MS4A7: variants seen among roughly 807,000 people sequenced by gnomAD.
MS4A7 encodes membrane-spanning 4-domains subfamily A member 7.
MS4A7 carries 21 observed loss-of-function variants against 23.5 expected under a neutral mutation model. The ratio of observed to expected loss-of-function variants is 0.89; its 90% CI spans 0.63 to 1.29. The LOEUF (loss-of-function observed/expected upper bound fraction) is 1.29, where lower values mean the gene tolerates loss of function less well. MS4A7 is among the 50% of genes most tolerant of loss of function. MS4A7 has a pLI of 0.00. For synonymous variants in MS4A7, 111 were observed against 107.4 expected (o/e 1.03, Z -0.21); for missense variants, 263 against 274.2 (o/e 0.96, Z 0.29).
chr11:60,389,879 T>C, intron 5 of MS4A7: 1 of 396,614 alleles, frequency 2.5e-6, no homozygotes, highest in Admixed American at 3.9e-5. Flanking sequence ...GGTTTAACTC[T>C]TAAAGTACAA....
rs2085605392 is a variant in MS4A7, at chr11:60,395,417, C to T, written c.*1556C>T. Reference sequence around the variant, plus strand: ...TCAGTGCTCATTTTGAGATACCCTGCTATCGATGGTCGCTACAAACCAGGA... The same window carrying T: ...TCAGTGCTCATTTTGAGATACCCTGTTATCGATGGTCGCTACAAACCAGGA... On this transcript the variant is annotated 3_prime_UTR_variant, in exon 7 of 7. Transcript: ENST00000300184. The T allele has an allele frequency of 6.6e-6, 1 of 152,550 alleles. No homozygotes were observed. The highest frequency in any genetic ancestry group is 6.5e-5 in the Admixed American group (1 of 15,284). 9.4% of individuals were successfully genotyped at this position (152,550 alleles called of 1,614,324 possible). A position where few individuals can be genotyped will look rare whatever the true frequency, so the allele number is the denominator to read the frequency against.
Position 60,393,847 on chromosome 11 carries a change from C to A in MS4A7, c.709C>A (p.Arg237=). 6.2e-7 allele frequency: 1 copy of A among 1,609,732 alleles called. No individual in the cohort carries two copies. The highest frequency in any genetic ancestry group is 2.2e-5 in the East Asian group (1 of 44,488). The change falls in exon 7 of 7, where the codon CGG becomes AGG. Residue 237 remains arginine, a synonymous_variant. Transcript: ENST00000300184. ...CCAACAGGTCAAAAAGAGTTCTTCACGGTCTTGGATATAAGTAACTCTTGG... is the reference window on the plus strand; with the variant it reads ...CCAACAGGTCAAAAAGAGTTCTTCAAGGTCTTGGATATAAGTAACTCTTGG... ...HIQQVKKSSS[R]SWI is the part of the protein sequence containing the mutation.
At chr11:60,383,021 G>A in intron 1 of MS4A7, 108 bp from the exon 2 acceptor site, 1 of 1,234,508 alleles carries the variant, frequency 8.1e-7, no homozygotes, top group Non-Finnish European at 1.1e-6. Context: ...AACCAGCCTT[G>A]GAATAATGGC....
chr11:60,391,221 G>A (rs1417380501), intron 5 of MS4A7, among the ~76,000 whole-genome samples: 21 of 152,152 alleles, frequency 1.4e-4, no homozygotes, highest in Non-Finnish European at 2.5e-4. Flanking sequence ...AAAACCTTCC[G>A]TCAGCTCACT....
intron 1 of MS4A7, among the ~76,000 whole-genome samples, chr11:60,382,895 C>T (rs115385883): frequency 6.6e-6 from 1 of 152,158 alleles, no homozygotes; most frequent in African/African-American, 2.4e-5. Flanking sequence ...TGGGACCCCT[C>T]AAAATGTGTA....
rs2085600782 is a variant in MS4A7 at position 60,395,124 on chromosome 11, C to G, written c.*1263C>G. 2.0e-5 allele frequency: 8 copies of G among 397,258 alleles called. No individual in the cohort carries two copies. Among genetic ancestry groups the G allele is most frequent in the Non-Finnish European group, 3.6e-5 (8 of 223,916 alleles). The allele number at this position is 397,258 out of a possible 1,614,324, so 24.6% of individuals were successfully genotyped here. On this transcript the variant is annotated 3_prime_UTR_variant, in exon 7 of 7. Coordinates refer to ENST00000300184, the MANE Select transcript of MS4A7 (RefSeq NM_021201.5). The stretch of plus-strand genomic sequence containing the variant: ...AGCACAGTTTTGTAATTCAGATCAT[C>G]ACCCCTGCACTTTGTACCACATGGG...
At chr11:60,387,940 A>G (rs2135102195) in intron 4 of MS4A7, among the ~76,000 whole-genome samples, 1 of 152,358 alleles carries the variant, frequency 6.6e-6, no homozygotes, top group African/African-American at 2.4e-5. Flanking sequence ...CCATAGCATG[A>G]CGATTCACTA....
At position 60,394,779 on chromosome 11, in the gene MS4A7, C is replaced by T. The variant is rs916900154; in HGVS notation, c.*918C>T. Reference sequence around the variant, plus strand: ...ACTGCACCACTGCATTCCAGCCCGGCCTACAAGAACAAAACTCCATCTCAA... The same window carrying T: ...ACTGCACCACTGCATTCCAGCCCGGTCTACAAGAACAAAACTCCATCTCAA... On this transcript the variant is annotated 3_prime_UTR_variant, in exon 7 of 7. Coordinates refer to ENST00000300184, the MANE Select transcript of MS4A7 (RefSeq NM_021201.5). 2 of 289,136 alleles carry T rather than the reference C, an allele frequency of 6.9e-6. No homozygotes were observed. The highest frequency in any genetic ancestry group is 1.2e-5 in the Non-Finnish European group (2 of 161,856). 17.9% of individuals were successfully genotyped at this position (289,136 alleles called of 1,614,324 possible).
intron 1 of MS4A7, among the ~76,000 whole-genome samples, chr11:60,380,961 A>T (rs986029192): frequency 2.5e-4 from 38 of 152,334 alleles, no homozygotes; most frequent in African/African-American, 8.7e-4. Flanking sequence ...TACCTGCTAG[A>T]TAAGCAATCT....
intron 3 of MS4A7, among the ~76,000 whole-genome samples, chr11:60,385,916 C>G (rs2135099088): frequency 6.6e-6 from 1 of 152,340 alleles, no homozygotes; most frequent in African/African-American, 2.4e-5. Flanking sequence ...TAAGGTACCA[C>G]TTCTGTGTGG....
At chr11:60,388,623 G>A (rs945715763) in intron 4 of MS4A7, among the ~76,000 whole-genome samples, 1 of 152,178 alleles carries the variant, frequency 6.6e-6, no homozygotes, top group African/African-American at 2.4e-5. Context: ...ATGGGTGTGT[G>A]GCAGGGAAGA....
In MS4A7 at chr11:60,395,032, A is replaced by G. The variant is rs2085599717; in HGVS notation, c.*1171A>G. On this transcript the variant is annotated 3_prime_UTR_variant, in exon 7 of 7. Transcript: ENST00000300184. ...TTTTCTGCTTCTAGCTTGGAGCTAA[A>G]TGCTGCTCATGCTGAAAAGAATAAT... 3.4e-6 allele frequency: 2 copies of G among 594,630 alleles called. No homozygotes were observed. Among genetic ancestry groups the G allele is most frequent in the South Asian group, 4.2e-5 (2 of 47,312 alleles). 36.8% of individuals were successfully genotyped at this position (594,630 alleles called of 1,614,324 possible). A position where few individuals can be genotyped will look rare whatever the true frequency, so the allele number is the denominator to read the frequency against.
intron 2 of MS4A7, 82 bp downstream of exon 2, chr11:60,383,370 G>A: frequency 6.6e-7 from 1 of 1,508,670 alleles, no homozygotes; most frequent in Non-Finnish European, 9.0e-7. Flanking sequence ...GTGGGTCTGG[G>A]AAACTCTTTC....
At chr11:60,380,001 C>T (rs891595484) in intron 1 of MS4A7, among the ~76,000 whole-genome samples, 1 of 152,230 alleles carries the variant, frequency 6.6e-6, no homozygotes, top group Middle Eastern at 3.2e-3. Context: ...CTGGCAACCA[C>T]CATTCTACTT....
chr11:60,395,014 C>A lies in MS4A7; in HGVS notation c.*1153C>A. The A allele has an allele frequency of 1.6e-6, 1 of 618,290 alleles. No homozygotes were observed. Among genetic ancestry groups the A allele is most frequent in the Non-Finnish European group, 2.9e-6 (1 of 341,156 alleles). 38.3% of individuals were successfully genotyped at this position (618,290 alleles called of 1,614,324 possible). A position where few individuals can be genotyped will look rare whatever the true frequency, so the allele number is the denominator to read the frequency against. On this transcript the variant is annotated 3_prime_UTR_variant, in exon 7 of 7. Transcript: ENST00000300184. ...TAATCTCTGACTGGCATGTTTTCTG[C>A]TTCTAGCTTGGAGCTAAATGCTGCT...
intron 6 of MS4A7, 55 bp downstream of exon 6, chr11:60,392,841 A>G (rs2085568820): frequency 7.8e-7 from 1 of 1,282,718 alleles, no homozygotes; most frequent in East Asian, 2.3e-5. Context: ...CCAGGCTACA[A>G]TAATCCAACC....
intron 1 of MS4A7, among the ~76,000 whole-genome samples, chr11:60,379,166 C>A (rs956878651): frequency 6.6e-6 from 1 of 152,214 alleles, no homozygotes; most frequent in Non-Finnish European, 1.5e-5. Context: ...GAGATGATAG[C>A]ATCAGTCTGG....
intron 5 of MS4A7, 199 bp downstream of exon 5, chr11:60,389,795 G>A: frequency 1.7e-6 from 1 of 574,514 alleles, no homozygotes; most frequent in South Asian, 2.0e-5. Context: ...AGTCAAAAGA[G>A]GAAATCATGA....
Position 60,383,083 on chromosome 11 carries a change from G to C in MS4A7, c.-13-46G>C, listed in dbSNP as rs2085447183. On this transcript the variant is annotated intron_variant, in intron 1 of 6. Transcript: ENST00000300184. Reference sequence around the variant, plus strand: ...TATGGTCCCTGGGAAGTTTATGTCTGTAAGTCAAACCTTGGGAAGTAACTG... The same window carrying C: ...TATGGTCCCTGGGAAGTTTATGTCTCTAAGTCAAACCTTGGGAAGTAACTG... 3.8e-6 allele frequency: 6 copies of C among 1,595,574 alleles called. No individual in the cohort carries two copies. In the East Asian group the frequency reaches 1.3e-4, roughly 36 times the overall value.
Sources: gnomAD v4.1 joint callset for allele counts (sites outside exome capture counted in the v4.1 genomes callset) on GRCh38, gnomAD v4.1.1 for gene constraint, MANE v1.5 for transcripts, NCBI Gene and HGNC (gene_info 2026-07-23, HGNC 2026-07-21) for gene names.